LARGE1: variants seen among roughly 807,000 people sequenced by gnomAD.
LARGE1 encodes the protein LARGE xylosyl- and glucuronyltransferase 1.
In LARGE1, 43 loss-of-function variants were observed where a neutral mutation model predicts 87.6. The ratio of observed to expected loss-of-function variants is 0.49; its 90% CI spans 0.38 to 0.63. The LOEUF (loss-of-function observed/expected upper bound fraction) is 0.63. Ranked by LOEUF, LARGE1 falls within the 30% of genes least tolerant of loss-of-function variation. LARGE1 has a pLI of 0.00. For missense variants in LARGE1, 802 were observed against 1,000.2 expected (o/e 0.80, Z 2.67); for synonymous variants, 434 against 394.6 (o/e 1.10, Z -1.18).
At chr22:33,755,183 G>T (rs139912727) in intron 2 of LARGE1, among the ~76,000 whole-genome samples, 208 of 152,312 alleles carry the variant, frequency 1.4e-3, no homozygotes, top group Admixed American at 3.4e-3. Flanking sequence ...GGGGGTTCAT[G>T]TTGATAAAAA....
intron 10 of LARGE1, among the ~76,000 whole-genome samples, chr22:33,317,411 G>A (rs541442385): frequency 6.6e-6 from 1 of 152,212 alleles, no homozygotes; most frequent in African/African-American, 2.4e-5. Flanking sequence ...AACTTAGCAC[G>A]TTAACAAAAC....
chr22:33,485,702 C>T (rs144534709), intron 6 of LARGE1, among the ~76,000 whole-genome samples: 1 of 152,130 alleles, frequency 6.6e-6, no homozygotes, highest in African/African-American at 2.4e-5. Flanking sequence ...TAGATCATCC[C>T]CCAAATTCAA....
the LARGE1 span, among the ~76,000 whole-genome samples, chr22:33,076,314 C>T: frequency 6.6e-6 from 1 of 152,080 alleles, no homozygotes; most frequent in Non-Finnish European, 1.5e-5. Context: ...CACAATTCTG[C>T]TTGATGGTGA....
intron 7 of LARGE1, among the ~76,000 whole-genome samples, chr22:33,392,749 G>C (rs2065579441): frequency 6.6e-6 from 1 of 152,178 alleles, no homozygotes; most frequent in African/African-American, 2.4e-5. Flanking sequence ...TGGTACAGTG[G>C]AAGAGTATCC....
intron 11 of LARGE1, among the ~76,000 whole-genome samples, chr22:33,184,429 A>T (rs1193635842): frequency 6.6e-6 from 1 of 151,668 alleles, no homozygotes; most frequent in African/African-American, 2.4e-5. Flanking sequence ...TACTATTGAG[A>T]AGCATCTAAA....
intron 9 of LARGE1, among the ~76,000 whole-genome samples, chr22:33,353,657 C>CT (rs1178770229): frequency 5.3e-5 from 8 of 152,142 alleles, no homozygotes; most frequent in African/African-American, 1.4e-4. Flanking sequence ...GAAAGAATGA[C>CT]TTTTTTTGTG....
chr22:33,088,347 T>C, the LARGE1 span, among the ~76,000 whole-genome samples: 1 of 152,258 alleles, frequency 6.6e-6, no homozygotes, highest in Middle Eastern at 3.4e-3. Context: ...GCTCATTAGC[T>C]GTGTGTGTTA....
chr22:33,705,927 T>C (rs2082548752), intron 2 of LARGE1, among the ~76,000 whole-genome samples: 1 of 152,206 alleles, frequency 6.6e-6, no homozygotes, highest in Non-Finnish European at 1.5e-5. Flanking sequence ...TGAGTTACCA[T>C]TAACATGCCC....
chr22:33,442,894 G>A (rs567596784), intron 6 of LARGE1, among the ~76,000 whole-genome samples: 69 of 151,506 alleles, frequency 4.6e-4, no homozygotes, highest in African/African-American at 1.5e-3. Flanking sequence ...CCGGGTTCAC[G>A]CCATTCTCCT....
the LARGE1 span, among the ~76,000 whole-genome samples, chr22:33,140,850 A>G: frequency 6.6e-6 from 1 of 152,164 alleles, no homozygotes; most frequent in African/African-American, 2.4e-5. Flanking sequence ...TGATTGTATG[A>G]GTCAATATTC....
chr22:33,481,583 A>C (rs766068855), intron 6 of LARGE1, among the ~76,000 whole-genome samples: 12 of 152,184 alleles, frequency 7.9e-5, no homozygotes, highest in Non-Finnish European at 1.8e-4. Context: ...AAACAGTACC[A>C]GTAAAGCCAT....
At chr22:33,148,427 A>G in the LARGE1 span, among the ~76,000 whole-genome samples, 2 of 152,160 alleles carry the variant, frequency 1.3e-5, no homozygotes, top group Non-Finnish European at 2.9e-5. Flanking sequence ...TTGTTGCTCA[A>G]TAGTAGGCCA....
At chr22:33,249,983 C>T (rs1315806499) in intron 11 of LARGE1, among the ~76,000 whole-genome samples, 2 of 152,154 alleles carry the variant, frequency 1.3e-5, no homozygotes, top group Non-Finnish European at 2.9e-5. Context: ...CTTCCAACTT[C>T]ATTTTTCTCT....
chr22:33,114,802 C>T, the LARGE1 span, among the ~76,000 whole-genome samples: 27 of 152,086 alleles, frequency 1.8e-4, no homozygotes, highest in Non-Finnish European at 3.7e-4. Context: ...GTAGTGAGGA[C>T]AAAACATACC....
chr22:33,652,014 T>C (rs991045275), intron 2 of LARGE1, among the ~76,000 whole-genome samples: 1 of 151,950 alleles, frequency 6.6e-6, no homozygotes, highest in Non-Finnish European at 1.5e-5. Context: ...TCTACTAAAA[T>C]ACAAAAAGTT....
intron 7 of LARGE1, among the ~76,000 whole-genome samples, chr22:33,419,545 C>T (rs2066618552): frequency 6.6e-6 from 1 of 152,070 alleles, no homozygotes; most frequent in Non-Finnish European, 1.5e-5. Flanking sequence ...GGTCTTAGCT[C>T]AAATGTCGTC....
chr22:33,432,653 C>G (rs910458147), intron 6 of LARGE1, among the ~76,000 whole-genome samples: 2 of 152,096 alleles, frequency 1.3e-5, no homozygotes, highest in African/African-American at 4.8e-5. Flanking sequence ...TATTGACAGG[C>G]ATACTATTTC....
At chr22:33,143,507 C>T in the LARGE1 span, among the ~76,000 whole-genome samples, 1 of 152,108 alleles carries the variant, frequency 6.6e-6, no homozygotes, top group East Asian at 1.9e-4. Context: ...TTTCCATGAG[C>T]GTTGCAGGTA....
chr22:33,560,153 T>TCC (rs953150365), intron 6 of LARGE1, among the ~76,000 whole-genome samples: 1 of 152,144 alleles, frequency 6.6e-6, no homozygotes, highest in Non-Finnish European at 1.5e-5. Context: ...AAACTATGCC[T>TCC]CCCTAAGCAT....
Sources: allele counts gnomAD v4.1 joint callset (sites outside exome capture counted in the v4.1 genomes callset), GRCh38; gene constraint gnomAD v4.1.1; transcripts MANE v1.5; gene names NCBI Gene and HGNC (gene_info 2026-07-23, HGNC 2026-07-21).